TBC1D23: variants seen among roughly 807,000 people sequenced by gnomAD.
TBC1D23 encodes the protein HCV non-structural protein 4A-transactivated protein 1.
A neutral mutation model predicts 91.4 loss-of-function variants in TBC1D23; 55 were observed. The observed-to-expected ratio is 0.60, with a 90% confidence interval of 0.48 to 0.75. The LOEUF (loss-of-function observed/expected upper bound fraction) is 0.75, where lower values mean the gene tolerates loss of function less well. Among genes scored for constraint, TBC1D23 ranks in the 30% least tolerant of loss-of-function variants. The pLI is 0.00. For missense variants in TBC1D23, 725 were observed against 836.1 expected, an observed-to-expected ratio of 0.87 and a Z score of 1.64; for synonymous variants, 289 against 281.0, an observed-to-expected ratio of 1.03 and a Z score of -0.28.
At chr3:100,279,576 G>A in intron 1 of TBC1D23, 73 bp from the exon 2 acceptor site, 9 of 1,040,778 alleles carry the variant, frequency 8.6e-6, no homozygotes, top group East Asian at 2.6e-5. Context: ...AATAGGCCAT[G>A]CTTATAAATG....
chr3:100,276,101 AAG>A (rs1022107252), intron 1 of TBC1D23, among the ~76,000 whole-genome samples: 2 of 151,694 alleles, frequency 1.3e-5, no homozygotes, highest in Non-Finnish European at 2.9e-5. Context: ...AAAAAAAAAA[AAG>A]GAGATGAACT....
rs556657045 is a variant in TBC1D23 at position 100,313,312 on chromosome 3, A to G, written c.1598+1435A>G. On this transcript the variant is annotated intron_variant, in intron 15 of 18. Transcript: ENST00000394144. ...TCATCTCTGATCCACAGGTAGATAT[A>G]TTTGTTTTGAAAAGAGAATCTAATG... is the stretch of plus-strand genomic sequence containing the variant. Among the ~76,000 whole-genome samples the G allele has an allele frequency of 7.9e-5, 12 of 152,236 alleles. No homozygotes were observed. The South Asian group carries it at 1.5e-3, about 18-fold the overall frequency.
intron 18 of TBC1D23, 24 bp downstream of exon 18, chr3:100,320,995 T>A (rs576209509): frequency 6.6e-7 from 1 of 1,509,490 alleles, no homozygotes; most frequent in East Asian, 2.3e-5. Context: ...TAAGATAATA[T>A]TATCTGAATT....
intron 4 of TBC1D23, among the ~76,000 whole-genome samples, chr3:100,288,195 A>G (rs1045944951): frequency 6.3e-4 from 95 of 151,642 alleles, no homozygotes; most frequent in Admixed American, 6.2e-3. Flanking sequence ...GAAGTGAGCC[A>G]TGATCCTGCC....
At chr3:100,294,429 T>A (rs1194524207) in intron 5 of TBC1D23, among the ~76,000 whole-genome samples, 1 of 151,806 alleles carries the variant, frequency 6.6e-6, no homozygotes, top group East Asian at 1.9e-4. Context: ...CCTGGCTAAT[T>A]TTTGTATTTT....
chr3:100,277,382 A>G (rs1009254378), intron 1 of TBC1D23, among the ~76,000 whole-genome samples: 1 of 152,158 alleles, frequency 6.6e-6, no homozygotes, highest in Non-Finnish European at 1.5e-5. Flanking sequence ...AAGGTGTAGC[A>G]TTTTCTGGTC....
At chr3:100,304,987 G>A (rs1280985160) in intron 12 of TBC1D23, 99 bp downstream of exon 12, 5 of 668,244 alleles carry the variant, frequency 7.5e-6, no homozygotes, top group Middle Eastern at 5.1e-4. Context: ...TAGTTAAAGG[G>A]TAGACTCTTC....
At chr3:100,281,347 AC>A (rs1162294359) in intron 2 of TBC1D23, among the ~76,000 whole-genome samples, 22 of 152,194 alleles carry the variant, frequency 1.4e-4, no homozygotes, top group African/African-American at 5.3e-4. Flanking sequence ...AAAAAACCTT[AC>A]AAAACAGTGA....
At chr3:100,286,325 A>C (rs1467746256) in intron 4 of TBC1D23, among the ~76,000 whole-genome samples, 1 of 152,174 alleles carries the variant, frequency 6.6e-6, no homozygotes, top group Admixed American at 6.5e-5. Context: ...AGTTAGGAAC[A>C]GTGGGGAAAG....
chr3:100,272,927 A>G (rs1042047663), intron 1 of TBC1D23, among the ~76,000 whole-genome samples: 1 of 152,168 alleles, frequency 6.6e-6, no homozygotes, highest in Non-Finnish European at 1.5e-5. Context: ...AATCGGTTTT[A>G]TACCGAGACA....
At chr3:100,279,790 A>T in intron 2 of TBC1D23, 30 bp downstream of exon 2, 4 of 1,325,922 alleles carry the variant, frequency 3.0e-6, no homozygotes, top group Non-Finnish European at 4.3e-6. Flanking sequence ...AATAAAATGT[A>T]ATCACTGAAG....
At chr3:100,291,336 A>C (rs1303084630) in intron 5 of TBC1D23, among the ~76,000 whole-genome samples, 3 of 152,202 alleles carry the variant, frequency 2.0e-5, no homozygotes, top group African/African-American at 7.2e-5. Context: ...CAATCCCAGC[A>C]CTTTGGGAGG....
chr3:100,295,623 G>C (rs748019894), intron 7 of TBC1D23, among the ~76,000 whole-genome samples: 2 of 151,796 alleles, frequency 1.3e-5, no homozygotes, highest in African/African-American at 4.8e-5. Flanking sequence ...GCCCTCCTCT[G>C]TTCCTCCCTA....
rs1363145475 is a variant in TBC1D23, at chr3:100,316,142, G to A, written c.1642G>A (p.Val548Ile). 6.2e-6 allele frequency: 10 copies of A among 1,613,964 alleles called. No homozygotes were observed. Among genetic ancestry groups the A allele is most frequent in the African/African-American group, 1.3e-5 (1 of 74,916 alleles). ...SDRVGKPYRG[V>I]KPVFSIGDEE... ...CAGAGTGGGCAAGCCTTACCGTGGC[G>A]TAAAGCCTGTTTTCAGCATTGGGGA... Residue 548 changes from valine to isoleucine, a missense_variant, in exon 16 of 19, where the codon GTA (valine) becomes ATA (isoleucine). Val to Ile is a conservative substitution (Grantham distance 29, BLOSUM62 3). Coordinates refer to ENST00000394144, the MANE Select transcript of TBC1D23 (RefSeq NM_001199198.3).
chr3:100,277,814 G>A (rs1310416762), intron 1 of TBC1D23, among the ~76,000 whole-genome samples: 1 of 152,158 alleles, frequency 6.6e-6, no homozygotes, highest in Non-Finnish European at 1.5e-5. Flanking sequence ...CAGAAGAGAA[G>A]AGATAAACCC....
At chr3:100,301,632 G>A (rs1705434278) in intron 10 of TBC1D23, among the ~76,000 whole-genome samples, 1 of 152,150 alleles carries the variant, frequency 6.6e-6, no homozygotes, top group Admixed American at 6.5e-5. Context: ...CTGGAATAGT[G>A]CTGATAAACA....
rs140720603 is a variant in TBC1D23, at chr3:100,316,286, T to A, written c.1687+99T>A. Reference sequence around the variant, plus strand: ...CCAATCAACTGCTTTTTTAAAAAAATGAGATTCTGTAGAAATAATTGGAGA... The same window carrying A: ...CCAATCAACTGCTTTTTTAAAAAAAAGAGATTCTGTAGAAATAATTGGAGA... On this transcript the variant is annotated intron_variant, in intron 16 of 18. Coordinates refer to ENST00000394144, the MANE Select transcript of TBC1D23 (RefSeq NM_001199198.3). The A allele has an allele frequency of 2.2e-4, 186 of 828,138 alleles. 1 individual carries two copies. The highest frequency in any genetic ancestry group is 4.5e-4 in the Middle Eastern group (2 of 4,438). 51.3% of individuals were successfully genotyped at this position (828,138 alleles called of 1,614,324 possible).
Position 100,281,815 on chromosome 3 carries a change from A to G in TBC1D23, c.239A>G (p.Asn80Ser). ...GGTATTTTAGACTTGCCAGAACAGA[A>G]CACTATTCACAAAGATTGCCTGCAG... Reference protein sequence around the residue: ...WDGILDLPEQNTIHKDCLQFI... With the variant: ...WDGILDLPEQSTIHKDCLQFI... The change falls in exon 3 of 19, where the codon AAC (asparagine) becomes AGC (serine). Residue 80 changes from asparagine (N) to serine (S), a missense_variant. Asn to Ser is a conservative substitution (Grantham distance 46, BLOSUM62 1). Transcript: ENST00000394144. 1 of 1,610,874 alleles carries G rather than the reference A, an allele frequency of 6.2e-7. No homozygotes were observed. Among genetic ancestry groups the G allele is most frequent in the Non-Finnish European group, 8.5e-7 (1 of 1,178,156 alleles).
intron 4 of TBC1D23, among the ~76,000 whole-genome samples, chr3:100,287,880 A>C (rs1214884784): frequency 6.6e-6 from 1 of 151,702 alleles, no homozygotes; most frequent in African/African-American, 2.4e-5. Flanking sequence ...CAGCCTCCTG[A>C]GTAGCTGGGA....
Sources: allele counts gnomAD v4.1 joint callset (sites outside exome capture counted in the v4.1 genomes callset), GRCh38; gene constraint gnomAD v4.1.1; transcripts MANE v1.5; gene names NCBI Gene and HGNC (gene_info 2026-07-23, HGNC 2026-07-21).